KLRG2: variants seen among roughly 807,000 people sequenced by gnomAD.
The protein encoded by KLRG2 is killer cell lectin like receptor G2.
KLRG2 carries 39 observed loss-of-function variants against 35.4 expected under a neutral mutation model. That is an observed-to-expected ratio of 1.10 (90% CI 0.85 to 1.44). The LOEUF (loss-of-function observed/expected upper bound fraction) is 1.44, where lower values mean the gene tolerates loss of function less well. Among genes scored for constraint, KLRG2 ranks in the 40% most tolerant of loss-of-function variants. The probability of loss-of-function intolerance (pLI) is 0.00; values close to 1 mark genes in which losing one functional copy is unlikely to be tolerated. For missense variants in KLRG2, 632 were observed against 570.9 expected, an observed-to-expected ratio of 1.11 and a Z score of -1.09; for synonymous variants, 283 against 265.8, an observed-to-expected ratio of 1.06 and a Z score of -0.63.
rs1299169799 is a variant in KLRG2, at chr7:139,456,401, A to G, written c.1006-2187T>C. ...TTATTTTTGAGACGGAGTCTTGCTC[A>G]GCCACCTAGGCTGGAGTGCAGTGGC... is the stretch of plus-strand genomic sequence containing the variant. On this transcript the variant is annotated intron_variant, in intron 3 of 4. Coordinates refer to ENST00000340940, the MANE Select transcript of KLRG2 (RefSeq NM_198508.4). Among the ~76,000 whole-genome samples the G allele has an allele frequency of 2.6e-5, 4 of 152,130 alleles. No homozygotes were observed. The East Asian group carries it at 7.7e-4, about 29-fold the overall frequency.
chr7:139,439,424 G>A, the KLRG2 span, among the ~76,000 whole-genome samples: 6,612 of 152,286 alleles, frequency 0.043, 176 homozygotes, highest in Middle Eastern at 0.068. Context: ...AACAGTTCAG[G>A]TGGTTGGAGC....
At chr7:139,436,368 G>A in the KLRG2 span, among the ~76,000 whole-genome samples, 71 of 151,716 alleles carry the variant, frequency 4.7e-4, no homozygotes, top group African/African-American at 1.6e-3. Context: ...GCAGTCACAC[G>A]AATGTTTTAG....
At chr7:139,444,771 T>C in the KLRG2 span, among the ~76,000 whole-genome samples, 5 of 152,190 alleles carry the variant, frequency 3.3e-5, no homozygotes, top group Non-Finnish European at 5.9e-5. Flanking sequence ...AAATAGTCAC[T>C]ATTACGACGA....
rs767922929 is a variant in KLRG2, at chr7:139,479,753, G to A, written c.879C>T (p.Cys293=). 2.0e-5 allele frequency: 33 copies of A among 1,613,764 alleles called. No homozygotes were observed. Among genetic ancestry groups the A allele is most frequent in the Non-Finnish European group, 2.8e-5 (33 of 1,179,880 alleles). ...CCTCGGACAACACCCAGCCTGGGGGGCACTGCTGGCATCTGGCTCCTGCAA... is the reference window on the plus strand; with the variant it reads ...CCTCGGACAACACCCAGCCTGGGGGACACTGCTGGCATCTGGCTCCTGCAA... ...ASRAGARCQQ[C]PPGWVLSEEH... is the part of the protein sequence containing the mutation. The change falls in exon 3 of 5, where the codon TGC becomes TGT. Residue 293 remains cysteine, a synonymous_variant. Transcript: ENST00000340940.
At chr7:139,429,536 G>C in the KLRG2 span, among the ~76,000 whole-genome samples, 2 of 151,802 alleles carry the variant, frequency 1.3e-5, no homozygotes, top group Non-Finnish European at 1.5e-5. Context: ...CGCAGTGTTT[G>C]TGTCCCTGGG....
chr7:139,472,801 T>C (rs1399355110), intron 3 of KLRG2, among the ~76,000 whole-genome samples: 1 of 152,094 alleles, frequency 6.6e-6, no homozygotes, highest in Non-Finnish European at 1.5e-5. Context: ...TGAAGGCCAA[T>C]GTACGGGAAA....
intron 3 of KLRG2, among the ~76,000 whole-genome samples, chr7:139,471,300 CA>C (rs1796751069): frequency 1.3e-5 from 2 of 151,960 alleles, no homozygotes; most frequent in Non-Finnish European, 2.9e-5. Context: ...AAACTTTTTG[CA>C]GTGAATGTAT....
intron 3 of KLRG2, among the ~76,000 whole-genome samples, chr7:139,467,698 C>A (rs942622671): frequency 6.6e-6 from 1 of 150,864 alleles, no homozygotes; most frequent in African/African-American, 2.5e-5. Flanking sequence ...ACAAACACTG[C>A]GGAAGGCCGC....
At chr7:139,464,352 C>T (rs964429304) in intron 3 of KLRG2, among the ~76,000 whole-genome samples, 5 of 152,198 alleles carry the variant, frequency 3.3e-5, no homozygotes, top group African/African-American at 7.2e-5. Context: ...AACCTATAAA[C>T]TCTCCTTACA....
the KLRG2 span, among the ~76,000 whole-genome samples, chr7:139,430,402 C>CA: frequency 2.0e-4 from 29 of 144,574 alleles, no homozygotes; most frequent in South Asian, 4.4e-4. Context: ...AACTCCATCT[C>CA]AAAAAAAAAA....
rs764517301 is a variant in KLRG2 at position 139,483,398 on chromosome 7, G to A, written c.245C>T (p.Pro82Leu). ...GCAGACCCCGTAGCCCAGGCTGAGCGGCGGCACGCGCGGGGACCCGGGGCG... is the reference window on the plus strand; with the variant it reads ...GCAGACCCCGTAGCCCAGGCTGAGCAGCGGCACGCGCGGGGACCCGGGGCG... ...SPRPGSPRVP[P>L]LSLGYGVCPE... The change falls in exon 1 of 5, where the codon CCG (proline) becomes CTG (leucine). Residue 82 changes from proline to leucine, a missense_variant. Coordinates refer to ENST00000340940, the MANE Select transcript of KLRG2 (RefSeq NM_198508.4). The A allele has an allele frequency of 2.6e-6, 4 of 1,541,322 alleles. No homozygotes were observed. The Admixed American group carries it at 7.9e-5, about 30-fold the overall frequency.
At chr7:139,478,740 T>C (rs183806191) in intron 3 of KLRG2, among the ~76,000 whole-genome samples, 2 of 152,140 alleles carry the variant, frequency 1.3e-5, no homozygotes, top group African/African-American at 4.8e-5. Flanking sequence ...TTTTTGTAGA[T>C]GCTCTCAAAC....
In KLRG2 at chr7:139,453,616, G is replaced by A. The variant is rs1433411509; in HGVS notation, c.1201C>T (p.Pro401Ser). The A allele has an allele frequency of 6.2e-7, 1 of 1,611,284 alleles. No individual in the cohort carries two copies. Reference protein sequence around the residue: ...LVAANCSTPRPWVCAKGTQ With the variant: ...LVAANCSTPRSWVCAKGTQ Reference sequence around the variant, plus strand: ...TGGGTCCCCTTGGCACAGACCCAGGGTCTTGGAGTGCTGCAGTTTGCAGCC... The same window carrying A: ...TGGGTCCCCTTGGCACAGACCCAGGATCTTGGAGTGCTGCAGTTTGCAGCC... The change falls in exon 5 of 5, where the codon CCC becomes TCC. Residue 401 changes from proline (P) to serine (S), a missense_variant. Transcript: ENST00000340940.
At chr7:139,458,301 C>T (rs773591346) in intron 3 of KLRG2, among the ~76,000 whole-genome samples, 6 of 151,924 alleles carry the variant, frequency 3.9e-5, no homozygotes, top group Non-Finnish European at 8.8e-5. Context: ...TGGCTTGACC[C>T]CGGGAGGTCG....
Position 139,465,706 on chromosome 7 carries a change from AG to A in KLRG2, c.1006-11493del, listed in dbSNP as rs1166960950. On this transcript the variant is annotated intron_variant, in intron 3 of 4. Transcript: ENST00000340940. The stretch of plus-strand genomic sequence containing the variant: ...GACTCTGTCTCAAAAAAAAAAAAAA[AG>A]AAAGAAAGAAAGGAAGGAAGCTAGA... Among the ~76,000 whole-genome samples the A allele has an allele frequency of 4.5e-4, 68 of 149,856 alleles. 1 individual carries two copies. The highest frequency in any genetic ancestry group is 1.6e-3 in the African/African-American group (64 of 40,576).
intron 3 of KLRG2, among the ~76,000 whole-genome samples, chr7:139,472,658 A>G (rs942454680): frequency 6.6e-6 from 1 of 151,178 alleles, no homozygotes; most frequent in African/African-American, 2.5e-5. Flanking sequence ...CAACTGTAAC[A>G]GCCTCATAGA....
At chr7:139,479,856 C>A (rs1427568149) in intron 2 of KLRG2, 84 bp from the exon 3 acceptor site, 11 of 1,469,708 alleles carry the variant, frequency 7.5e-6, no homozygotes, top group Admixed American at 2.1e-5. Flanking sequence ...AATGAAGGGG[C>A]ATGGAACTGG....
rs201747189 is a variant in KLRG2 at position 139,454,136 on chromosome 7, C to A, written c.1084G>T (p.Asp362Tyr). The change falls in exon 4 of 5, where the codon GAC (aspartate) becomes TAC (tyrosine). Residue 362 changes from aspartate to tyrosine, a missense_variant. Coordinates refer to ENST00000340940, the MANE Select transcript of KLRG2 (RefSeq NM_198508.4). ...AGCTGGGGCGGGAGTGGGGCCTCGT[C>A]GATCCAGTGCCAGCCCTGGGGGCCT... Reference protein sequence around the residue: ...WRGPQGWHWIDEAPLPPQLLP... With the variant: ...WRGPQGWHWIYEAPLPPQLLP... 25 of 1,545,204 alleles carry A rather than the reference C, an allele frequency of 1.6e-5. No homozygotes were observed. In the Admixed American group the frequency reaches 4.8e-4, roughly 29 times the overall value.
the KLRG2 span, among the ~76,000 whole-genome samples, chr7:139,443,161 C>T: frequency 1.5e-5 from 2 of 131,892 alleles, no homozygotes; most frequent in Non-Finnish European, 3.1e-5. Flanking sequence ...GTGGTGTGAT[C>T]TTGGCTCACT....
Sources: gnomAD v4.1 joint callset for allele counts (sites outside exome capture counted in the v4.1 genomes callset) on GRCh38, gnomAD v4.1.1 for gene constraint, MANE v1.5 for transcripts, NCBI Gene and HGNC (gene_info 2026-07-23, HGNC 2026-07-21) for gene names.